STRN3: variants seen among roughly 807,000 people sequenced by gnomAD.
STRN3 encodes striatin 3.
In STRN3, 29 loss-of-function variants were observed where a neutral mutation model predicts 95.6. The ratio of observed to expected loss-of-function variants is 0.30; its 90% CI spans 0.23 to 0.41. The LOEUF (loss-of-function observed/expected upper bound fraction) is 0.41, where lower values mean the gene tolerates loss of function less well. Among genes scored for constraint, STRN3 ranks in the 10% least tolerant of loss-of-function variants. The pLI is 1.00. For missense variants in STRN3, 890 were observed against 972.1 expected, an observed-to-expected ratio of 0.92 and a Z score of 1.12; for synonymous variants, 331 against 357.6, an observed-to-expected ratio of 0.93 and a Z score of 0.84.
intron 1 of STRN3, chr14:31,025,702 G>C: frequency 1.3e-6 from 1 of 780,658 alleles, no homozygotes; most frequent in East Asian, 3.0e-5. Context: ...AGCCAGTGAA[G>C]GTTGGGGAGC....
chr14:30,913,852 C>A (rs1896668680), intron 9 of STRN3, among the ~76,000 whole-genome samples, 195 bp from the exon 10 acceptor site: 1 of 152,138 alleles, frequency 6.6e-6, no homozygotes, highest in Non-Finnish European at 1.5e-5. Flanking sequence ...TATTAACTGT[C>A]CACAAATAAA....
In STRN3 at chr14:30,912,707, T is replaced by A. The variant is rs17097507; in HGVS notation, c.1375-525A>T. Reference sequence around the variant, plus strand: ...TTGATATTGACAGAGGTTTATCTTTTTACCTTCACATTTCTCCATCTGTAA... The same window carrying A: ...TTGATATTGACAGAGGTTTATCTTTATACCTTCACATTTCTCCATCTGTAA... On this transcript the variant is annotated intron_variant, in intron 10 of 17. Coordinates refer to ENST00000357479, the MANE Select transcript of STRN3 (RefSeq NM_001083893.2). Among the ~76,000 whole-genome samples the A allele has an allele frequency of 5.1e-3, 780 of 152,260 alleles. 3 individuals are homozygous for A. The highest frequency in any genetic ancestry group is 0.017 in the African/African-American group (723 of 41,554).
At position 30,895,684 on chromosome 14, in the gene STRN3, A is replaced by G; in HGVS notation, c.2202T>C (p.Asn734=). 6.2e-7 allele frequency: 1 copy of G among 1,614,000 alleles called. No homozygotes were observed. Among genetic ancestry groups the G allele is most frequent in the Non-Finnish European group, 8.5e-7 (1 of 1,179,970 alleles). The change falls in exon 17 of 18, where the codon AAT becomes AAC. Residue 734 remains asparagine, a synonymous_variant. Coordinates refer to ENST00000357479, the MANE Select transcript of STRN3 (RefSeq NM_001083893.2). ...TACTTCCAGACATCAAATAGATTCC[A>G]TTAGGATCTACTGCTAGACTTGTAA... ...DAVTSLAVDP[N]GIYLMSGSHD...
intron 5 of STRN3, among the ~76,000 whole-genome samples, chr14:30,942,305 C>A (rs995843840): frequency 2.6e-5 from 4 of 152,148 alleles, no homozygotes; most frequent in African/African-American, 7.2e-5. Flanking sequence ...TAATATGTGA[C>A]TTTAACCTAC....
intron 5 of STRN3, among the ~76,000 whole-genome samples, chr14:30,939,005 G>C (rs899238365): frequency 1.3e-5 from 2 of 152,130 alleles, no homozygotes; most frequent in African/African-American, 4.8e-5. Context: ...AATTGAGTCA[G>C]AGACAAGAAT....
At chr14:30,918,575 A>C (rs533491576) in intron 9 of STRN3, among the ~76,000 whole-genome samples, 2 of 152,270 alleles carry the variant, frequency 1.3e-5, no homozygotes, top group Admixed American at 1.3e-4. Flanking sequence ...GTCTTCTAGT[A>C]AGTGGTAATT....
intron 1 of STRN3, among the ~76,000 whole-genome samples, chr14:31,005,540 A>C (rs758487771): frequency 1.3e-5 from 2 of 152,244 alleles, no homozygotes; most frequent in Non-Finnish European, 2.9e-5. Flanking sequence ...TTTTAGCTTA[A>C]TATTTTTCCT....
At chr14:30,922,834 ACT>A (rs1322734416) in intron 8 of STRN3, among the ~76,000 whole-genome samples, 1 of 134,938 alleles carries the variant, frequency 7.4e-6, no homozygotes, top group African/African-American at 2.8e-5. Flanking sequence ...CTGCAAAGTG[ACT>A]CTTCGGTTTT....
chr14:30,981,604 A>ACC (rs1341621213), intron 1 of STRN3, among the ~76,000 whole-genome samples: 1 of 151,498 alleles, frequency 6.6e-6, no homozygotes, highest in South Asian at 2.1e-4. Context: ...ACACACACAC[A>ACC]CACCCCATAA....
intron 4 of STRN3, among the ~76,000 whole-genome samples, chr14:30,950,536 G>A (rs958095399): frequency 2.0e-5 from 3 of 152,014 alleles, no homozygotes; most frequent in Non-Finnish European, 4.4e-5. Context: ...TCTCTAGACC[G>A]GTCACACCCA....
chr14:30,947,022 C>T, intron 5 of STRN3, 68 bp downstream of exon 5: 1 of 1,171,152 alleles, frequency 8.5e-7, no homozygotes, highest in Non-Finnish European at 1.1e-6. Context: ...TAACAAGGAG[C>T]TAAAGAGATT....
Position 30,992,555 on chromosome 14 carries a change from CCT to C in STRN3, c.282+33347_282+33348del, listed in dbSNP as rs371837889. Among the ~76,000 whole-genome samples the C allele has an allele frequency of 1.3e-3, 164 of 131,002 alleles. 1 individual carries two copies. The highest frequency in any genetic ancestry group is 4.4e-3 in the African/African-American group (151 of 34,552). 85.9% of individuals were successfully genotyped at this position (131,002 alleles called of 152,430 possible). A position where few individuals can be genotyped will look rare whatever the true frequency, so the allele number is the denominator to read the frequency against. ...AGAGTGAGCGCCACAGTGCCCGGCCCCTGTCTCTTTAAAAAAAAAAAAAAAAA... is the reference window on the plus strand; with the variant it reads ...AGAGTGAGCGCCACAGTGCCCGGCCCGTCTCTTTAAAAAAAAAAAAAAAAA... On this transcript the variant is annotated intron_variant, in intron 1 of 17. Transcript: ENST00000357479.
At chr14:30,924,727 C>T (rs1435207258) in intron 8 of STRN3, among the ~76,000 whole-genome samples, 4 of 152,222 alleles carry the variant, frequency 2.6e-5, no homozygotes, top group Admixed American at 2.6e-4. Context: ...CATAGTGGTG[C>T]ACACCTGTGG....
At chr14:30,903,840 T>A (rs912236832) in intron 15 of STRN3, among the ~76,000 whole-genome samples, 4 of 152,182 alleles carry the variant, frequency 2.6e-5, no homozygotes, top group African/African-American at 9.7e-5. Flanking sequence ...AGATTGTATA[T>A]CACTAGTGGA....
At chr14:31,023,741 T>A (rs1377372190) in intron 1 of STRN3, among the ~76,000 whole-genome samples, 1 of 151,174 alleles carries the variant, frequency 6.6e-6, no homozygotes, top group African/African-American at 2.4e-5. Flanking sequence ...AAAATACGCA[T>A]CTCACAAGCA....
chr14:30,900,586 G>T (rs1896285194), intron 16 of STRN3, among the ~76,000 whole-genome samples: 1 of 151,396 alleles, frequency 6.6e-6, no homozygotes, highest in Non-Finnish European at 1.5e-5. Flanking sequence ...ACAAAAATTA[G>T]CTGGACATGG....
At position 30,950,805 on chromosome 14, in the gene STRN3, G is replaced by A. The variant is rs1200990325; in HGVS notation, c.542+58C>T. ...GATTTTTTACTTGTAAAGTGATTCA[G>A]TATAAGCACTTTCATACCTAGATCC... On this transcript the variant is annotated intron_variant, in intron 4 of 17. Coordinates refer to ENST00000357479, the MANE Select transcript of STRN3 (RefSeq NM_001083893.2). The A allele has an allele frequency of 3.4e-6, 5 of 1,463,782 alleles. No homozygotes were observed. In the South Asian group the frequency reaches 3.5e-5, roughly 10 times the overall value. The allele number at this position is 1,463,782 out of a possible 1,614,324, so 90.7% of individuals were successfully genotyped here. A position where few individuals can be genotyped will look rare whatever the true frequency, so the allele number is the denominator to read the frequency against.
Position 30,907,183 on chromosome 14 carries a change from G to A in STRN3, c.1721-139C>T, listed in dbSNP as rs1017281480. On this transcript the variant is annotated intron_variant, in intron 13 of 17. Transcript: ENST00000357479. ...AAGAAGATAAACTAAAGTGTACATA[G>A]TGGCTATATCTAAGAGTAGAGTTAT... The A allele has an allele frequency of 2.0e-5, 18 of 901,232 alleles. No individual in the cohort carries two copies. The African/African-American group carries it at 2.4e-4, about 12-fold the overall frequency. The allele number at this position is 901,232 out of a possible 1,614,324, so 55.8% of individuals were successfully genotyped here.
At chr14:30,951,987 A>G (rs534776629) in intron 3 of STRN3, among the ~76,000 whole-genome samples, 66 of 152,198 alleles carry the variant, frequency 4.3e-4, no homozygotes, top group Admixed American at 1.1e-3. Flanking sequence ...GTATGGCGGC[A>G]CATGCCTGTA....
Sources: gnomAD v4.1 joint callset for allele counts (sites outside exome capture counted in the v4.1 genomes callset) on GRCh38, gnomAD v4.1.1 for gene constraint, MANE v1.5 for transcripts, NCBI Gene and HGNC (gene_info 2026-07-23, HGNC 2026-07-21) for gene names.